PLCXD3: variants seen among roughly 807,000 people sequenced by gnomAD.
PLCXD3 encodes the protein phosphatidylinositol specific phospholipase C X domain containing 3.
PLCXD3 carries 19 observed loss-of-function variants against 25.5 expected under a neutral mutation model. That is an observed-to-expected ratio of 0.75 (90% confidence interval 0.52 to 1.09). The LOEUF is 1.09. PLCXD3 is among the 50% of genes least tolerant of loss of function. PLCXD3 has a pLI of 0.00. For synonymous variants in PLCXD3, 174 were observed against 137.6 expected (o/e 1.26, Z -1.85); for missense variants, 411 against 388.1 (o/e 1.06, Z -0.50).
intron 1 of PLCXD3, among the ~76,000 whole-genome samples, chr5:41,401,079 AT>A (rs1417954081): frequency 6.6e-6 from 1 of 151,956 alleles, no homozygotes; most frequent in Non-Finnish European, 1.5e-5. Flanking sequence ...TCTTTAACTC[AT>A]TTTAAAACTT....
At chr5:41,446,725 C>T (rs1747513639) in intron 1 of PLCXD3, among the ~76,000 whole-genome samples, 1 of 152,046 alleles carries the variant, frequency 6.6e-6, no homozygotes, top group South Asian at 2.1e-4. Context: ...GTTTTTTCTG[C>T]TGGGTGTTTG....
intron 1 of PLCXD3, among the ~76,000 whole-genome samples, chr5:41,449,901 T>C (rs1747588688): frequency 6.6e-6 from 1 of 152,046 alleles, no homozygotes. Flanking sequence ...AAAGCATAAA[T>C]ATTGAAGACA....
chr5:41,447,404 A>C (rs1004871975), intron 1 of PLCXD3, among the ~76,000 whole-genome samples: 1 of 152,220 alleles, frequency 6.6e-6, no homozygotes, highest in Non-Finnish European at 1.5e-5. Flanking sequence ...TCTTTGGAAA[A>C]TGTTAGGTTT....
intron 2 of PLCXD3, among the ~76,000 whole-genome samples, chr5:41,368,160 T>TGAA (rs941745538): frequency 6.6e-6 from 1 of 152,214 alleles, no homozygotes; most frequent in Admixed American, 6.5e-5. Context: ...TAGTTCTCCT[T>TGAA]GAAGAGGTCC....
At chr5:41,453,652 G>T (rs1260019154) in intron 1 of PLCXD3, among the ~76,000 whole-genome samples, 1 of 151,990 alleles carries the variant, frequency 6.6e-6, no homozygotes, top group Non-Finnish European at 1.5e-5. Context: ...GTTTTATAGA[G>T]AGGCCAGCAC....
At chr5:41,345,334 G>A (rs6898606) in intron 2 of PLCXD3, among the ~76,000 whole-genome samples, 43,235 of 151,930 alleles carry the variant, frequency 0.28, 7,352 homozygotes, top group African/African-American at 0.47. Context: ...GAGGGTGAGT[G>A]GCTTGCCCCT....
intron 1 of PLCXD3, among the ~76,000 whole-genome samples, chr5:41,398,625 A>G (rs1746082430): frequency 6.6e-6 from 1 of 152,204 alleles, no homozygotes; most frequent in African/African-American, 2.4e-5. Context: ...AAGAATAAAA[A>G]CTATATGATC....
chr5:41,398,443 G>A (rs1561260486), intron 1 of PLCXD3, among the ~76,000 whole-genome samples: 1 of 152,134 alleles, frequency 6.6e-6, no homozygotes, highest in South Asian at 2.1e-4. Flanking sequence ...ACAGCCTGTG[G>A]AACTGTGAGT....
chr5:41,501,237 G>C (rs1748943663), intron 1 of PLCXD3, among the ~76,000 whole-genome samples: 1 of 151,988 alleles, frequency 6.6e-6, no homozygotes, highest in East Asian at 1.9e-4. Flanking sequence ...TTGAGATCTT[G>C]AATCGAGATC....
intron 2 of PLCXD3, among the ~76,000 whole-genome samples, chr5:41,346,177 A>G (rs1744298548): frequency 6.6e-6 from 1 of 152,178 alleles, no homozygotes; most frequent in South Asian, 2.1e-4. Context: ...CACCATGCCC[A>G]GCCTAGAGCA....
chr5:41,507,569 T>C (rs923211682), intron 1 of PLCXD3, among the ~76,000 whole-genome samples: 4 of 152,226 alleles, frequency 2.6e-5, no homozygotes, highest in African/African-American at 9.6e-5. Flanking sequence ...ACCGGAACTG[T>C]GCTCTGGTGG....
Position 41,308,048 on chromosome 5 carries a change from C to T in PLCXD3, c.*5569G>A, listed in dbSNP as rs1252876264. ...TGATTATCCCATCTGTATTTGAGTTCGTCCTTCAAAAAGCATTTGCAGGAC... is the reference window on the plus strand; with the variant it reads ...TGATTATCCCATCTGTATTTGAGTTTGTCCTTCAAAAAGCATTTGCAGGAC... On this transcript the variant is annotated 3_prime_UTR_variant, in exon 3 of 3. Coordinates refer to ENST00000377801, the MANE Select transcript of PLCXD3 (RefSeq NM_001005473.3). 2 of 152,078 alleles carry T rather than the reference C, an allele frequency of 1.3e-5. No homozygotes were observed. Among genetic ancestry groups the T allele is most frequent in the East Asian group, 1.9e-4 (1 of 5,178 alleles). 9.4% of individuals were successfully genotyped at this position (152,078 alleles called of 1,614,324 possible).
chr5:41,376,977 C>T (rs1485846980), intron 2 of PLCXD3, among the ~76,000 whole-genome samples: 2 of 152,058 alleles, frequency 1.3e-5, no homozygotes, highest in Non-Finnish European at 2.9e-5. Context: ...TCTTTGGAGT[C>T]TCACAAATAG....
At chr5:41,464,368 T>A (rs1258633659) in intron 1 of PLCXD3, among the ~76,000 whole-genome samples, 1 of 152,048 alleles carries the variant, frequency 6.6e-6, no homozygotes, top group Non-Finnish European at 1.5e-5. Context: ...GACAAAAATG[T>A]ACTTACATGC....
chr5:41,321,558 T>C (rs1227384078), intron 2 of PLCXD3, among the ~76,000 whole-genome samples: 2 of 152,174 alleles, frequency 1.3e-5, no homozygotes, highest in African/African-American at 4.8e-5. Flanking sequence ...AATGATATTC[T>C]TCATAGAAAT....
At chr5:41,457,242 A>C (rs1398634343) in intron 1 of PLCXD3, among the ~76,000 whole-genome samples, 2 of 151,930 alleles carry the variant, frequency 1.3e-5, no homozygotes, top group Non-Finnish European at 2.9e-5. Flanking sequence ...CTGGAAAGCG[A>C]TTTGCATGAA....
chr5:41,424,315 G>A (rs1236291482), intron 1 of PLCXD3, among the ~76,000 whole-genome samples: 3 of 152,090 alleles, frequency 2.0e-5, no homozygotes, highest in South Asian at 2.1e-4. Context: ...AGGCCGAGGC[G>A]GGCAGATCAC....
At chr5:41,404,618 G>T (rs1746296753) in intron 1 of PLCXD3, among the ~76,000 whole-genome samples, 1 of 152,064 alleles carries the variant, frequency 6.6e-6, no homozygotes. Context: ...AGTGTCTAAA[G>T]ATTTATATTC....
chr5:41,480,749 C>A (rs552481857), intron 1 of PLCXD3, among the ~76,000 whole-genome samples: 1 of 151,768 alleles, frequency 6.6e-6, no homozygotes, highest in Non-Finnish European at 1.5e-5. Context: ...GGTGAAACCC[C>A]GTCTCTACTA....
Sources: gnomAD v4.1 joint callset for allele counts (sites outside exome capture counted in the v4.1 genomes callset) on GRCh38, gnomAD v4.1.1 for gene constraint, MANE v1.5 for transcripts, NCBI Gene and HGNC (gene_info 2026-07-23, HGNC 2026-07-21) for gene names.